Variants in DNAH9 observed in about 807,000 individuals in gnomAD.
DNAH9 encodes DNAH9 variant protein.
Under a neutral mutation model 471.6 loss-of-function variants are expected in DNAH9, and 345 were observed. The observed-to-expected ratio is 0.73, with a 90% CI of 0.67 to 0.80. The LOEUF is 0.80. Among genes scored for constraint, DNAH9 ranks in the 30% least tolerant of loss-of-function variants. DNAH9 has a pLI of 0.00. For synonymous variants in DNAH9, 2,093 were observed against 2,123.6 expected (o/e 0.99, Z 0.40); for missense variants, 5,407 against 5,609.2 (o/e 0.96, Z 1.15).
At chr17:11,724,005 T>G (rs1216714023) in intron 27 of DNAH9, among the ~76,000 whole-genome samples, 1 of 152,208 alleles carries the variant, frequency 6.6e-6, no homozygotes. Flanking sequence ...ACATCTTTTT[T>G]ATTGATACAT....
chr17:11,804,914 G>A (rs1969611238), intron 43 of DNAH9, among the ~76,000 whole-genome samples: 1 of 151,686 alleles, frequency 6.6e-6, no homozygotes, highest in South Asian at 2.1e-4. Flanking sequence ...AGGAGTGGTG[G>A]CATGCAAATG....
At chr17:11,757,230 T>TA (rs1967433002) in intron 34 of DNAH9, among the ~76,000 whole-genome samples, 5 of 152,074 alleles carry the variant, frequency 3.3e-5, no homozygotes, top group Admixed American at 2.6e-4. Context: ...AGTGTGCACT[T>TA]AAAAAAATTG....
chr17:11,949,665 G>C (rs1432391102), intron 67 of DNAH9, among the ~76,000 whole-genome samples: 1 of 152,114 alleles, frequency 6.6e-6, no homozygotes, highest in Non-Finnish European at 1.5e-5. Context: ...ATTTTCAGTA[G>C]AGAGGGGGTT....
At chr17:11,762,363 TG>T (rs1244964747) in intron 35 of DNAH9, among the ~76,000 whole-genome samples, 1 of 152,102 alleles carries the variant, frequency 6.6e-6, no homozygotes, top group East Asian at 1.9e-4. Flanking sequence ...TGTGGGTACG[TG>T]GTGTGCTCTG....
At chr17:11,868,969 G>A (rs1474270918) in intron 50 of DNAH9, among the ~76,000 whole-genome samples, 165 bp from the exon 51 acceptor site, 3 of 152,236 alleles carry the variant, frequency 2.0e-5, no homozygotes, top group East Asian at 1.9e-4. Flanking sequence ...GATCTTCCCC[G>A]AATGTGCTTT....
At chr17:11,875,404 C>T (rs189281862) in intron 53 of DNAH9, among the ~76,000 whole-genome samples, 39 of 152,310 alleles carry the variant, frequency 2.6e-4, no homozygotes, top group African/African-American at 9.1e-4. Flanking sequence ...ACCACAACCT[C>T]TCGACCCATT....
chr17:11,867,316 C>A (rs1241253284), intron 50 of DNAH9, among the ~76,000 whole-genome samples: 1 of 152,180 alleles, frequency 6.6e-6, no homozygotes, highest in Non-Finnish European at 1.5e-5. Flanking sequence ...AGATGTTGAA[C>A]CTCCTAGATC....
At chr17:11,918,948 T>C (rs28667245) in intron 61 of DNAH9, among the ~76,000 whole-genome samples, 28,205 of 152,050 alleles carry the variant, frequency 0.19, 2,689 homozygotes, top group East Asian at 0.27. Flanking sequence ...ATCGTGCCAC[T>C]GCACTCCAGC....
chr17:11,819,983 CAAG>C (rs1233129230), intron 45 of DNAH9, among the ~76,000 whole-genome samples: 1 of 152,064 alleles, frequency 6.6e-6, no homozygotes, highest in Non-Finnish European at 1.5e-5. Context: ...ATAATGATAA[CAAG>C]AAAACACAAT....
intron 8 of DNAH9, among the ~76,000 whole-genome samples, chr17:11,633,183 C>A (rs946792731): frequency 1.3e-5 from 2 of 152,086 alleles, no homozygotes; most frequent in Non-Finnish European, 2.9e-5. Context: ...TAGGACAAGG[C>A]GTAGATGATG....
intron 28 of DNAH9, among the ~76,000 whole-genome samples, chr17:11,729,411 C>A (rs1478875716): frequency 2.6e-5 from 4 of 152,118 alleles, no homozygotes; most frequent in African/African-American, 9.7e-5. Flanking sequence ...GTGCTTGGGA[C>A]AATTATGTGC....
intron 52 of DNAH9, among the ~76,000 whole-genome samples, chr17:11,872,873 T>A (rs1219665044): frequency 6.6e-6 from 1 of 152,184 alleles, no homozygotes; most frequent in African/African-American, 2.4e-5. Flanking sequence ...TGAGCCAAGA[T>A]AGCACCACTG....
At chr17:11,964,946 G>A (rs888307276) in intron 68 of DNAH9, among the ~76,000 whole-genome samples, 1 of 152,082 alleles carries the variant, frequency 6.6e-6, no homozygotes, top group Non-Finnish European at 1.5e-5. Flanking sequence ...ACTCACCCAG[G>A]GCAACAGTCT....
chr17:11,602,146 A>C (rs143855722), intron 1 of DNAH9, among the ~76,000 whole-genome samples: 4 of 152,018 alleles, frequency 2.6e-5, no homozygotes, highest in African/African-American at 4.8e-5. Flanking sequence ...GAATGTGAGC[A>C]TAAGATTTGG....
chr17:11,753,362 T>A (rs570823616), intron 33 of DNAH9, among the ~76,000 whole-genome samples: 1 of 152,298 alleles, frequency 6.6e-6, no homozygotes, highest in East Asian at 1.9e-4. Flanking sequence ...TCAAATATTG[T>A]TCCATTGAGA....
intron 48 of DNAH9, among the ~76,000 whole-genome samples, chr17:11,830,993 G>T (rs980666285): frequency 2.0e-5 from 3 of 152,184 alleles, no homozygotes; most frequent in African/African-American, 7.2e-5. Context: ...CATTTATTAG[G>T]CAGGCAGACA....
intron 49 of DNAH9, among the ~76,000 whole-genome samples, chr17:11,842,738 C>T (rs1332885520): frequency 6.6e-6 from 1 of 152,196 alleles, no homozygotes; most frequent in African/African-American, 2.4e-5. Flanking sequence ...CCACCTTCTC[C>T]TGCCTGCTTT....
chr17:11,699,797 G>A lies in DNAH9; in HGVS notation c.4939G>A (p.Gly1647Arg). 2.5e-6 allele frequency: 4 copies of A among 1,614,186 alleles called. No individual in the cohort carries two copies. Among genetic ancestry groups the A allele is most frequent in the Non-Finnish European group, 3.4e-6 (4 of 1,180,006 alleles). ...GATGCGATTCCAGCTAGATGCCAGTGGGGAACCAACCAAGACAAGCCTCGG... is the reference window on the plus strand; with the variant it reads ...GATGCGATTCCAGCTAGATGCCAGTAGGGAACCAACCAAGACAAGCCTCGG... The part of the protein sequence containing the change: ...AKMRFQLDAS[G>R]EPTKTSLGMY... The change falls in exon 23 of 69, where the codon GGG becomes AGG. Residue 1647 changes from glycine (G) to arginine (R), a missense_variant. Physicochemically the swap from Gly to Arg is moderately radical, Grantham distance 125. Around this residue, in one of 3 missense-constraint regions of DNAH9, gnomAD observed 4,636 missense variants for 4,900.3 expected, o/e 0.95. Coordinates refer to ENST00000262442, the MANE Select transcript of DNAH9 (RefSeq NM_001372.4).
chr17:11,958,398 G>A (rs115910359), intron 67 of DNAH9, among the ~76,000 whole-genome samples: 1,631 of 152,212 alleles, frequency 0.011, 32 homozygotes, highest in African/African-American at 0.037. Context: ...ATACTGTAAC[G>A]GTGGATACAT....
Sources: gnomAD v4.1 joint callset for allele counts (sites outside exome capture counted in the v4.1 genomes callset) on GRCh38, gnomAD v4.1.1 for gene constraint, gnomAD v4.1.1 regional missense constraint, MANE v1.5 for transcripts, NCBI Gene and HGNC (gene_info 2026-07-23, HGNC 2026-07-21) for gene names.